CTNNA3: variants seen among roughly 807,000 people sequenced by gnomAD.
CTNNA3 encodes the protein catenin alpha-3.
In CTNNA3, 76 loss-of-function variants were observed where a neutral mutation model predicts 95.7. The ratio of observed to expected loss-of-function variants is 0.79; its 90% CI spans 0.66 to 0.96. CTNNA3 has a LOEUF of 0.96. Ranked by LOEUF, CTNNA3 falls within the 40% of genes least tolerant of loss-of-function variation. The pLI is 0.00. For missense variants in CTNNA3, 1,191 were observed against 1,089.8 expected, an observed-to-expected ratio of 1.09 and a Z score of -1.31; for synonymous variants, 431 against 374.4, an observed-to-expected ratio of 1.15 and a Z score of -1.74.
At chr10:67,308,285 C>T (rs985484033) in intron 5 of CTNNA3, among the ~76,000 whole-genome samples, 2 of 152,014 alleles carry the variant, frequency 1.3e-5, no homozygotes, top group African/African-American at 2.4e-5. Context: ...CGGAGGGACC[C>T]GGGGGGGAAG....
chr10:66,811,193 G>A (rs1396589045), intron 7 of CTNNA3, among the ~76,000 whole-genome samples: 1 of 152,164 alleles, frequency 6.6e-6, no homozygotes, highest in Non-Finnish European at 1.5e-5. Flanking sequence ...AAATTAGAAT[G>A]ATTCTAGATA....
At chr10:66,272,606 G>C (rs917014267) in intron 13 of CTNNA3, among the ~76,000 whole-genome samples, 1 of 151,700 alleles carries the variant, frequency 6.6e-6, no homozygotes, top group African/African-American at 2.4e-5. Context: ...TCAGGACCCA[G>C]AAACTAGTGA....
At chr10:66,114,376 ATATATGTGTG>A (rs1284072486) in intron 13 of CTNNA3, among the ~76,000 whole-genome samples, 2 of 150,260 alleles carry the variant, frequency 1.3e-5, no homozygotes, top group Non-Finnish European at 2.9e-5. Context: ...GTGTGTGTGT[ATATATGTGTG>A]TATATATGTA....
intron 13 of CTNNA3, among the ~76,000 whole-genome samples, chr10:66,260,330 C>T (rs1396916934): frequency 1.3e-5 from 2 of 152,088 alleles, no homozygotes; most frequent in Non-Finnish European, 2.9e-5. Context: ...CCCTAGTTGT[C>T]ATTTATTGCC....
intron 5 of CTNNA3, among the ~76,000 whole-genome samples, chr10:67,428,398 G>A (rs1845992712): frequency 6.6e-6 from 1 of 151,896 alleles, no homozygotes; most frequent in South Asian, 2.1e-4. Flanking sequence ...TTTAAAATGG[G>A]CCTTAGTAAT....
chr10:66,359,246 G>T (rs1255540910), intron 12 of CTNNA3, among the ~76,000 whole-genome samples: 2 of 152,108 alleles, frequency 1.3e-5, no homozygotes, highest in Non-Finnish European at 1.5e-5. Context: ...ATAGATAGGA[G>T]GTCGTAAAAA....
At chr10:66,418,526 G>A (rs375879172) in intron 11 of CTNNA3, among the ~76,000 whole-genome samples, 20 of 146,474 alleles carry the variant, frequency 1.4e-4, no homozygotes, top group East Asian at 6.1e-4. Flanking sequence ...CTATAAAGCC[G>A]GTATCATTCT....
At chr10:67,018,609 C>G (rs1000170137) in intron 7 of CTNNA3, among the ~76,000 whole-genome samples, 3 of 152,186 alleles carry the variant, frequency 2.0e-5, no homozygotes, top group African/African-American at 7.2e-5. Context: ...AGTCTGTGGG[C>G]TCTGGAGCCA....
intron 12 of CTNNA3, 56 bp from the exon 13 acceptor site, chr10:66,280,677 C>T: frequency 1.5e-6 from 2 of 1,317,534 alleles, no homozygotes; most frequent in Non-Finnish European, 2.1e-6. Flanking sequence ...TGGATTTATA[C>T]AGTAGTTTCC....
intron 9 of CTNNA3, among the ~76,000 whole-genome samples, chr10:66,717,175 C>T (rs943914020): frequency 2.0e-5 from 3 of 152,112 alleles, no homozygotes; most frequent in Non-Finnish European, 4.4e-5. Context: ...AACATCAACT[C>T]TTGCCTGAGT....
At position 66,345,621 on chromosome 10, in the gene CTNNA3, T is replaced by C. The variant is rs115888217; in HGVS notation, c.1732+33531A>G. Among the ~76,000 whole-genome samples, 319 of 152,246 alleles carry C rather than the reference T, an allele frequency of 2.1e-3. 3 individuals are homozygous for C. The highest frequency in any genetic ancestry group is 7.5e-3 in the African/African-American group (310 of 41,562). Reference sequence around the variant, plus strand: ...AAGGTGGAAACTTGGGAATTCAGTATGATTTTAAAGAATAAAGGTGTTATT... The same window carrying C: ...AAGGTGGAAACTTGGGAATTCAGTACGATTTTAAAGAATAAAGGTGTTATT... On this transcript the variant is annotated intron_variant, in intron 12 of 17. Coordinates refer to ENST00000433211, the MANE Select transcript of CTNNA3 (RefSeq NM_013266.4).
intron 11 of CTNNA3, among the ~76,000 whole-genome samples, chr10:66,431,739 G>C (rs185112250): frequency 1.6e-5 from 2 of 126,916 alleles, no homozygotes; most frequent in Non-Finnish European, 3.2e-5. Context: ...ACACACTAGG[G>C]CCTGTTGTGG....
intron 12 of CTNNA3, among the ~76,000 whole-genome samples, chr10:66,374,967 A>G (rs2092784809): frequency 6.6e-6 from 1 of 152,032 alleles, no homozygotes; most frequent in South Asian, 2.1e-4. Flanking sequence ...AAGAGCATAT[A>G]CTTGTCTGGG....
chr10:67,377,090 C>T (rs1274171545), intron 5 of CTNNA3, among the ~76,000 whole-genome samples: 1 of 152,166 alleles, frequency 6.6e-6, no homozygotes, highest in Non-Finnish European at 1.5e-5. Context: ...ATGAATATAT[C>T]CTAACCAGTT....
chr10:66,298,545 C>G (rs1016788664), intron 12 of CTNNA3, among the ~76,000 whole-genome samples: 1 of 152,074 alleles, frequency 6.6e-6, no homozygotes, highest in Non-Finnish European at 1.5e-5. Context: ...TTACATTTCT[C>G]TTCCCCAGTA....
At chr10:66,281,653 C>A (rs191948962) in intron 12 of CTNNA3, among the ~76,000 whole-genome samples, 1 of 151,868 alleles carries the variant, frequency 6.6e-6, no homozygotes, top group African/African-American at 2.4e-5. Context: ...AATTATAAAC[C>A]TGGAAGATAG....
chr10:66,158,259 T>C (rs2084651186), intron 13 of CTNNA3, among the ~76,000 whole-genome samples: 1 of 152,134 alleles, frequency 6.6e-6, no homozygotes, highest in Non-Finnish European at 1.5e-5. Flanking sequence ...TAGAAGGGTT[T>C]TTCCGATGTT....
intron 14 of CTNNA3, among the ~76,000 whole-genome samples, chr10:66,091,823 C>T (rs2081224601): frequency 6.6e-6 from 1 of 151,478 alleles, no homozygotes; most frequent in South Asian, 2.1e-4. Context: ...GACCTAAAGC[C>T]AATTCCTTGA....
chr10:67,469,526 G>A (rs1202135470), intron 5 of CTNNA3, among the ~76,000 whole-genome samples: 1 of 150,058 alleles, frequency 6.7e-6, no homozygotes, highest in African/African-American at 2.5e-5. Flanking sequence ...ACCAAACACC[G>A]CATGTTCTCA....
Sources: gnomAD v4.1 joint callset for allele counts (sites outside exome capture counted in the v4.1 genomes callset) on GRCh38, gnomAD v4.1.1 for gene constraint, MANE v1.5 for transcripts, NCBI Gene and HGNC (gene_info 2026-07-23, HGNC 2026-07-21) for gene names.